SLC24A2: variants seen among roughly 807,000 people sequenced by gnomAD.
SLC24A2 encodes the protein sodium/potassium/calcium exchanger 2.
In SLC24A2, 36 loss-of-function variants were observed where a neutral mutation model predicts 62.0. The ratio of observed to expected loss-of-function variants is 0.58; its 90% CI spans 0.44 to 0.77. The LOEUF is 0.77. SLC24A2 is among the 30% of genes least tolerant of loss of function. SLC24A2 has a pLI of 0.00. For missense variants in SLC24A2, 846 were observed against 817.9 expected, an observed-to-expected ratio of 1.03 and a Z score of -0.42; for synonymous variants, 358 against 294.0, an observed-to-expected ratio of 1.22 and a Z score of -2.23.
the SLC24A2 span, among the ~76,000 whole-genome samples, chr9:20,025,703 C>T: frequency 2.1e-4 from 32 of 152,186 alleles, no homozygotes; most frequent in South Asian, 8.3e-4. Flanking sequence ...TGACCTGGAA[C>T]GACCAAGTGA....
chr9:19,841,431 T>C, the SLC24A2 span, among the ~76,000 whole-genome samples: 1 of 152,164 alleles, frequency 6.6e-6, no homozygotes, highest in Non-Finnish European at 1.5e-5. Flanking sequence ...GGTGAAACCC[T>C]TCAGGCAGAC....
At chr9:20,100,554 G>A in the SLC24A2 span, among the ~76,000 whole-genome samples, 2 of 152,222 alleles carry the variant, frequency 1.3e-5, no homozygotes, top group African/African-American at 4.8e-5. Flanking sequence ...TTAAGTTCAT[G>A]AAGATGGAAG....
At chr9:20,157,978 T>A in the SLC24A2 span, among the ~76,000 whole-genome samples, 1 of 151,626 alleles carries the variant, frequency 6.6e-6, no homozygotes, top group East Asian at 1.9e-4. Context: ...AACAAAAATG[T>A]GAGTTTCAGT....
intron 5 of SLC24A2, among the ~76,000 whole-genome samples, chr9:19,585,074 A>T (rs1324108067): frequency 2.0e-5 from 3 of 152,184 alleles, no homozygotes; most frequent in Non-Finnish European, 2.9e-5. Context: ...GACCAAACCC[A>T]TTATACAATG....
At chr9:19,810,472 T>C in the SLC24A2 span, among the ~76,000 whole-genome samples, 11 of 152,214 alleles carry the variant, frequency 7.2e-5, no homozygotes, top group African/African-American at 2.2e-4. Context: ...AAATAGGAAC[T>C]GTATCAGGAA....
chr9:20,084,934 C>T, the SLC24A2 span, among the ~76,000 whole-genome samples: 1 of 152,096 alleles, frequency 6.6e-6, no homozygotes, highest in African/African-American at 2.4e-5. Context: ...GAAAGGATTG[C>T]TTCTGTTATT....
the SLC24A2 span, among the ~76,000 whole-genome samples, chr9:20,288,666 A>T: frequency 6.6e-6 from 1 of 151,838 alleles, no homozygotes; most frequent in Non-Finnish European, 1.5e-5. Flanking sequence ...GCTGATGCAC[A>T]AGAATCACTT....
At chr9:20,093,840 G>C in the SLC24A2 span, among the ~76,000 whole-genome samples, 1 of 152,124 alleles carries the variant, frequency 6.6e-6, no homozygotes, top group African/African-American at 2.4e-5. Flanking sequence ...TAACACAAAA[G>C]ATAAATGCTT....
chr9:19,795,068 C>A, the SLC24A2 span, among the ~76,000 whole-genome samples: 1 of 152,170 alleles, frequency 6.6e-6, no homozygotes, highest in Non-Finnish European at 1.5e-5. Context: ...GAATACTGAA[C>A]TAAAATACTT....
At chr9:20,245,830 A>C in the SLC24A2 span, among the ~76,000 whole-genome samples, 1 of 152,218 alleles carries the variant, frequency 6.6e-6, no homozygotes, top group African/African-American at 2.4e-5. Flanking sequence ...GTGTGCTATT[A>C]TATTCAGATC....
rs1832787909 is a variant in SLC24A2, at chr9:19,513,170, A to ATG, written c.*2982_*2983insCA. 2 of 60,070 alleles carry ATG rather than the reference A, an allele frequency of 3.3e-5. No individual in the cohort carries two copies. Among genetic ancestry groups the ATG allele is most frequent in the Non-Finnish European group, 7.0e-5 (2 of 28,408 alleles). The allele number at this position is 60,070 out of a possible 1,614,324, so 3.7% of individuals were successfully genotyped here. A position where few individuals can be genotyped will look rare whatever the true frequency, so the allele number is the denominator to read the frequency against. On this transcript the variant is annotated 3_prime_UTR_variant, in exon 11 of 11. Coordinates refer to ENST00000341998, the MANE Select transcript of SLC24A2 (RefSeq NM_020344.4). ...GGTATAAAGATATATATATATATAT[A>ATG]TATATGTATATATATATATATGTAT...
the SLC24A2 span, among the ~76,000 whole-genome samples, chr9:19,888,682 T>C: frequency 6.6e-6 from 1 of 152,212 alleles, no homozygotes; most frequent in Non-Finnish European, 1.5e-5. Context: ...TAATGTATGA[T>C]CCTAGGGGTG....
chr9:20,212,770 C>A, the SLC24A2 span, among the ~76,000 whole-genome samples: 1 of 151,568 alleles, frequency 6.6e-6, no homozygotes, highest in East Asian at 1.9e-4. Flanking sequence ...AATAACAAAA[C>A]AAGTATGTAT....
chr9:20,070,944 T>C, the SLC24A2 span, among the ~76,000 whole-genome samples: 8 of 152,266 alleles, frequency 5.3e-5, no homozygotes, highest in African/African-American at 1.9e-4. Context: ...GGGAGGTGAT[T>C]GGGTTATAGA....
chr9:20,137,073 C>T, the SLC24A2 span, among the ~76,000 whole-genome samples: 2 of 152,070 alleles, frequency 1.3e-5, no homozygotes, highest in African/African-American at 4.8e-5. Flanking sequence ...ATGTGAGGCA[C>T]ATAGTAAGTA....
At chr9:19,670,842 G>A (rs565298174) in intron 2 of SLC24A2, among the ~76,000 whole-genome samples, 1 of 152,250 alleles carries the variant, frequency 6.6e-6, no homozygotes, top group Non-Finnish European at 1.5e-5. Context: ...ATCTGTGCTC[G>A]ATGAACCTTA....
At chr9:20,054,057 G>A in the SLC24A2 span, among the ~76,000 whole-genome samples, 1 of 152,140 alleles carries the variant, frequency 6.6e-6, no homozygotes, top group African/African-American at 2.4e-5. Flanking sequence ...CAGTTTGATA[G>A]GGGTCTTTAT....
chr9:19,590,216 C>A (rs900751529), intron 5 of SLC24A2, among the ~76,000 whole-genome samples: 2 of 152,178 alleles, frequency 1.3e-5, no homozygotes, highest in African/African-American at 4.8e-5. Flanking sequence ...CATGCTACAT[C>A]CTCGTTCACT....
the SLC24A2 span, among the ~76,000 whole-genome samples, chr9:19,984,042 T>C: frequency 6.6e-6 from 1 of 152,210 alleles, no homozygotes; most frequent in Non-Finnish European, 1.5e-5. Flanking sequence ...TGTAATAAGT[T>C]GAAAATATCA....
Sources: gnomAD v4.1 joint callset for allele counts (sites outside exome capture counted in the v4.1 genomes callset) on GRCh38, gnomAD v4.1.1 for gene constraint, MANE v1.5 for transcripts, NCBI Gene and HGNC (gene_info 2026-07-23, HGNC 2026-07-21) for gene names.